PCCA: variants seen among roughly 807,000 people sequenced by gnomAD.
The protein encoded by PCCA is propionyl-CoA carboxylase alpha chain, mitochondrial.
A neutral mutation model predicts 101.3 loss-of-function variants in PCCA; 74 were observed. That is an observed-to-expected ratio of 0.73 (90% CI 0.61 to 0.89). The LOEUF is 0.89. PCCA is among the 40% of genes least tolerant of loss of function. PCCA has a pLI of 0.00. For synonymous variants in PCCA, 294 were observed against 313.6 expected, an observed-to-expected ratio of 0.94 and a Z score of 0.66; for missense variants, 891 against 907.0, an observed-to-expected ratio of 0.98 and a Z score of 0.23.
intron 4 of PCCA, among the ~76,000 whole-genome samples, chr13:100,148,187 C>T (rs2052816034): frequency 6.6e-6 from 1 of 152,070 alleles, no homozygotes; most frequent in South Asian, 2.1e-4. Flanking sequence ...TTAGCCTCCA[C>T]TTGGGAAGCC....
At chr13:100,120,505 ATTC>A in intron 4 of PCCA, among the ~76,000 whole-genome samples, 1 of 152,162 alleles carries the variant, frequency 6.6e-6, no homozygotes, top group East Asian at 1.9e-4. Context: ...ATGACATCCT[ATTC>A]TTTGTTGAGG....
intron 12 of PCCA, among the ~76,000 whole-genome samples, chr13:100,291,710 G>C (rs561287665): frequency 6.6e-6 from 1 of 152,314 alleles, no homozygotes; most frequent in South Asian, 2.1e-4. Context: ...CAGAGGCCTG[G>C]AAGAGCATAT....
chr13:100,226,477 A>G (rs2060149142), intron 7 of PCCA, among the ~76,000 whole-genome samples: 1 of 152,164 alleles, frequency 6.6e-6, no homozygotes, highest in Non-Finnish European at 1.5e-5. Context: ...CGTTGACACT[A>G]ATACCACTAT....
At chr13:100,444,736 C>T (rs188919807) in intron 20 of PCCA, among the ~76,000 whole-genome samples, 21 of 152,134 alleles carry the variant, frequency 1.4e-4, no homozygotes, top group African/African-American at 4.1e-4. Flanking sequence ...CCACTGCACC[C>T]GGTGGTTTTG....
At chr13:100,227,100 T>C (rs1016408099) in intron 7 of PCCA, among the ~76,000 whole-genome samples, 1 of 152,066 alleles carries the variant, frequency 6.6e-6, no homozygotes, top group African/African-American at 2.4e-5. Context: ...GCCTCCTGAG[T>C]AGCTGGGATT....
At chr13:100,423,752 A>G (rs1171495375) in intron 19 of PCCA, among the ~76,000 whole-genome samples, 1 of 152,172 alleles carries the variant, frequency 6.6e-6, no homozygotes, top group East Asian at 1.9e-4. Flanking sequence ...TCTTTGGGGT[A>G]ATGTGTTTCA....
chr13:100,372,841 G>A (rs1349463229), intron 19 of PCCA, among the ~76,000 whole-genome samples: 1 of 152,212 alleles, frequency 6.6e-6, no homozygotes, highest in Non-Finnish European at 1.5e-5. Flanking sequence ...CCAGGTTCAA[G>A]TGATTCTTCT....
chr13:100,477,174 A>G (rs2083478766), intron 21 of PCCA, among the ~76,000 whole-genome samples: 1 of 152,174 alleles, frequency 6.6e-6, no homozygotes, highest in Non-Finnish European at 1.5e-5. Context: ...GGGTCTGTAA[A>G]ATGAGAGTGA....
At chr13:100,264,613 G>A (rs779741366) in intron 10 of PCCA, among the ~76,000 whole-genome samples, 11 of 152,062 alleles carry the variant, frequency 7.2e-5, no homozygotes, top group Non-Finnish European at 1.5e-4. Flanking sequence ...TGACTCACCT[G>A]CAGTTTATCC....
chr13:100,115,447 A>G (rs1011158785), intron 4 of PCCA, among the ~76,000 whole-genome samples: 1 of 152,080 alleles, frequency 6.6e-6, no homozygotes. Flanking sequence ...TAACACAAAT[A>G]AATGAATGAT....
Position 100,125,721 on chromosome 13 carries a change from T to A in PCCA, c.300+13660T>A, listed in dbSNP as rs187112453. Among the ~76,000 whole-genome samples, 601 of 152,332 alleles carry A rather than the reference T, an allele frequency of 3.9e-3. 5 individuals are homozygous for A. The highest frequency in any genetic ancestry group is 0.014 in the African/African-American group (573 of 41,572). ...TTTTCCTTTTCTTTTTTTCTTTTAT[T>A]GTCTTTGGAAAAACTTATTTTGCAG... is the stretch of plus-strand genomic sequence containing the variant. On this transcript the variant is annotated intron_variant, in intron 4 of 23. Transcript: ENST00000376285.
Position 100,425,758 on chromosome 13 carries a change from G to A in PCCA, c.1845+27G>A, listed in dbSNP as rs188881908. On this transcript the variant is annotated intron_variant, in intron 20 of 23. Transcript: ENST00000376285. ...TGAGTGTTGTAAGGATTTCCTTAGA[G>A]GGCCTCCTCAAGTCCAGAATCCTTG... The A allele has an allele frequency of 1.2e-4, 177 of 1,459,422 alleles. No homozygotes were observed. In the East Asian group the frequency reaches 2.6e-3, roughly 21 times the overall value. The allele number at this position is 1,459,422 out of a possible 1,614,324, so 90.4% of individuals were successfully genotyped here. A position where few individuals can be genotyped will look rare whatever the true frequency, so the allele number is the denominator to read the frequency against.
intron 4 of PCCA, among the ~76,000 whole-genome samples, chr13:100,138,416 C>T (rs186612250): frequency 3.4e-4 from 51 of 152,132 alleles, no homozygotes; most frequent in African/African-American, 1.1e-3. Flanking sequence ...GGTTTTCTTA[C>T]GTGTTATATC....
At chr13:100,297,375 G>A (rs1348873518) in intron 12 of PCCA, among the ~76,000 whole-genome samples, 4 of 152,206 alleles carry the variant, frequency 2.6e-5, no homozygotes, top group Non-Finnish European at 5.9e-5. Context: ...GGCAGTGTCA[G>A]AGTTTATTAT....
At chr13:100,247,607 G>A (rs988367286) in intron 8 of PCCA, among the ~76,000 whole-genome samples, 2 of 148,366 alleles carry the variant, frequency 1.3e-5, no homozygotes. Flanking sequence ...TCTGCCTCCC[G>A]GGTTCAAGCA....
At position 100,504,282 on chromosome 13, in the gene PCCA, C is replaced by G. The variant is rs542797680; in HGVS notation, c.1900-11145C>G. 9.2e-5 allele frequency among the ~76,000 whole-genome samples: 14 copies of G among 152,310 alleles called. No individual in the cohort carries two copies. In the East Asian group the frequency reaches 1.2e-3, roughly 13 times the overall value. ...TTAAAGTCTGGGGAAAGATTATAGTCAGATCCACATAGATAGGACAACGTT... is the reference window on the plus strand; with the variant it reads ...TTAAAGTCTGGGGAAAGATTATAGTGAGATCCACATAGATAGGACAACGTT... On this transcript the variant is annotated intron_variant, in intron 21 of 23. Transcript: ENST00000376285.
chr13:100,476,689 T>A (rs188231112), intron 21 of PCCA, among the ~76,000 whole-genome samples: 1 of 152,214 alleles, frequency 6.6e-6, no homozygotes, highest in African/African-American at 2.4e-5. Flanking sequence ...GACAGAAATC[T>A]GAATCACAAA....
chr13:100,152,396 C>T (rs776401448), intron 4 of PCCA, among the ~76,000 whole-genome samples: 1 of 150,906 alleles, frequency 6.6e-6, no homozygotes, highest in African/African-American at 2.4e-5. Context: ...ATCTTAATCA[C>T]CCAGTAAAAT....
rs184252457 is a variant in PCCA, at chr13:100,172,662, A to G, written c.468+15322A>G. On this transcript the variant is annotated intron_variant, in intron 6 of 23. Transcript: ENST00000376285. The stretch of plus-strand genomic sequence containing the variant: ...TTTAGATAAAATAAGAGTACAAGCA[A>G]ACAAAGTTGATTGTGGCCATGTTAT... 6.3e-3 allele frequency among the ~76,000 whole-genome samples: 959 copies of G among 152,358 alleles called. 6 individuals carry two copies. Among genetic ancestry groups the G allele is most frequent in the Admixed American group, 9.6e-3 (147 of 15,302 alleles).
Sources: allele counts gnomAD v4.1 joint callset (sites outside exome capture counted in the v4.1 genomes callset), GRCh38; gene constraint gnomAD v4.1.1; transcripts MANE v1.5; gene names NCBI Gene and HGNC (gene_info 2026-07-23, HGNC 2026-07-21).